Variants in LYSMD4 observed in about 807,000 individuals in gnomAD.
LYSMD4 encodes the protein lysM and putative peptidoglycan-binding domain-containing protein 4.
In LYSMD4, 9 loss-of-function variants were observed where a neutral mutation model predicts 6.1. That is an observed-to-expected ratio of 1.47 (90% CI 0.88 to 2.56). LYSMD4 has a LOEUF of 2.56. LYSMD4 is among the 30% of genes most tolerant of loss of function. The pLI, the probability that LYSMD4 is intolerant of heterozygous loss-of-function variation, is 0.00. For missense variants in LYSMD4, 384 were observed against 373.5 expected, an observed-to-expected ratio of 1.03 and a Z score of -0.23; for synonymous variants, 143 against 148.5, an observed-to-expected ratio of 0.96 and a Z score of 0.27.
chr15:99,726,550 G>A (rs868533949), downstream of LYSMD4, among the ~76,000 whole-genome samples: 2 of 151,956 alleles, frequency 1.3e-5, no homozygotes, highest in Non-Finnish European at 1.5e-5. Flanking sequence ...GGCCTTGACT[G>A]TCCTCCCAAC....
downstream of LYSMD4, among the ~76,000 whole-genome samples, chr15:99,722,962 C>T (rs1032141873): frequency 8.6e-5 from 13 of 151,784 alleles, no homozygotes; most frequent in African/African-American, 1.9e-4. Flanking sequence ...GCCTGGGAGG[C>T]GGAGGTTGCA....
chr15:99,731,849 G>A lies in LYSMD4; in HGVS notation c.151C>T (p.Arg51Trp), dbSNP rs754714120. The A allele has an allele frequency of 2.2e-5, 35 of 1,613,184 alleles. 1 individual carries two copies. In the East Asian group the frequency reaches 7.4e-4, roughly 34 times the overall value. ...CCGCTCTTGTGGCGCTCCTTGCCCC[G>A]GGGCCGCAAAACCACACGGTGAGAC... ...EESHRVVLRP[R>W]GKERHKSGVH... The change falls in exon 2 of 3, where the codon CGG becomes TGG. Residue 51 changes from arginine to tryptophan, a missense_variant. By Grantham distance (101) the Arg-to-Trp change is moderately radical. Coordinates refer to ENST00000684762, the MANE Select transcript of LYSMD4 (RefSeq NM_001284417.2).
At chr15:99,730,661 A>ATGTC (rs2059383260) in intron 2 of LYSMD4, among the ~76,000 whole-genome samples, 1 of 152,264 alleles carries the variant, frequency 6.6e-6, no homozygotes, top group Non-Finnish European at 1.5e-5. Flanking sequence ...TCCTGAATCT[A>ATGTC]ATGCATGAGA....
upstream of LYSMD4, among the ~76,000 whole-genome samples, chr15:99,719,126 C>A (rs1168537013): frequency 6.6e-6 from 1 of 151,664 alleles, no homozygotes; most frequent in East Asian, 1.9e-4. Flanking sequence ...GTGTAGGGAA[C>A]ACACATTGAC....
upstream of LYSMD4, among the ~76,000 whole-genome samples, chr15:99,719,928 G>A (rs145802459): frequency 2.1e-3 from 324 of 152,252 alleles, 2 homozygotes; most frequent in African/African-American, 7.5e-3. Flanking sequence ...TTATGAGTGA[G>A]ATTGAGCATT....
chr15:99,731,352 G>A (rs747797437), intron 2 of LYSMD4: 1 of 1,611,796 alleles, frequency 6.2e-7, no homozygotes, highest in East Asian at 2.2e-5. Flanking sequence ...AGAAAAGCAA[G>A]CATACCATAG....
At chr15:99,722,697 A>G (rs1320006447), downstream of LYSMD4, among the ~76,000 whole-genome samples, 1 of 152,226 alleles carries the variant, frequency 6.6e-6, no homozygotes, top group African/African-American at 2.4e-5. Flanking sequence ...AAGATATTTA[A>G]AAGACTCCAA....
chr15:99,718,888 A>G (rs1402050441), upstream of LYSMD4, among the ~76,000 whole-genome samples: 1 of 149,526 alleles, frequency 6.7e-6, no homozygotes. Context: ...AGACACAACA[A>G]GGAAATACAT....
chr15:99,729,845 A>C, intron 2 of LYSMD4, 114 bp from the exon 3 acceptor site: 4 of 1,306,366 alleles, frequency 3.1e-6, no homozygotes, highest in Non-Finnish European at 3.1e-6. Context: ...TTCACTGACG[A>C]ATCTGATGAA....
chr15:99,729,269 G>A lies in LYSMD4; in HGVS notation c.745C>T (p.Pro249Ser), dbSNP rs774152631. 7.4e-6 allele frequency: 12 copies of A among 1,614,020 alleles called. No homozygotes were observed. The highest frequency in any genetic ancestry group is 3.3e-5 in the South Asian group (3 of 91,086). ...YFKIQASGET[P>S]NSLNTTVIPN... ...ATGACAGTTGTGTTCAAGCTATTAG[G>A]GGTCTCACCACTAGCTTGTATTTTA... Residue 249 changes from proline to serine, a missense_variant, in exon 3 of 3, where the codon CCT (proline) becomes TCT (serine). By Grantham distance (74) the Pro-to-Ser change is moderately conservative. Transcript: ENST00000684762.
rs1053170840 is a variant in LYSMD4 at position 99,729,744 on chromosome 15, G to A, written c.283-13C>T. ...TGATATCTGCAACCTAGGAAGGCAC[G>A]AAGATAAACATCATAAAATATGCGG... On this transcript the variant is annotated splice_polypyrimidine_tract_variant and intron_variant, in intron 2 of 2. Coordinates refer to ENST00000684762, the MANE Select transcript of LYSMD4 (RefSeq NM_001284417.2). The A allele has an allele frequency of 2.5e-6, 4 of 1,589,608 alleles. No individual in the cohort carries two copies. Among genetic ancestry groups the A allele is most frequent in the African/African-American group, 1.4e-5 (1 of 74,018 alleles).
At chr15:99,731,594 G>C in intron 2 of LYSMD4, 124 bp downstream of exon 2, 2 of 1,523,678 alleles carry the variant, frequency 1.3e-6, no homozygotes. Context: ...GTCCTTGGCT[G>C]CTACAGCAGG....
At chr15:99,733,185 G>A (rs1260780187) in intron 1 of LYSMD4, 160 bp downstream of exon 1, 1 of 373,474 alleles carries the variant, frequency 2.7e-6, no homozygotes, top group African/African-American at 2.1e-5. Context: ...GCCAGCCCAC[G>A]ACAGTCGCGG....
At chr15:99,726,848 A>G (rs2059287455), downstream of LYSMD4, among the ~76,000 whole-genome samples, 1 of 152,162 alleles carries the variant, frequency 6.6e-6, no homozygotes, top group South Asian at 2.1e-4. Context: ...TTTCTTATAT[A>G]CACCTAATAA....
chr15:99,720,940 A>G (rs2059232949), upstream of LYSMD4: 1 of 152,156 alleles, frequency 6.6e-6, no homozygotes, highest in Non-Finnish European at 1.5e-5. Context: ...TGGCAGCATC[A>G]ATTTCTCCCT....
In LYSMD4 at chr15:99,729,422, G is replaced by A; in HGVS notation, c.592C>T (p.Gln198Ter). Residue 198 changes from glutamine to a stop codon, truncating the protein, a stop_gained, in exon 3 of 3, where the codon CAG (glutamine) becomes TAG (stop). Transcript: ENST00000684762. LOFTEE classifies it low-confidence loss of function (END_TRUNC). ...TTCGGAGGTGCCGGGAGCAGTGGCT[G>A]ATGGGAGGTGTCCATGCAGTAACTT... ...HESYCMDTSH[Q>*]PLLPAPPKTP... The A allele has an allele frequency of 6.2e-7, 1 of 1,614,218 alleles. No individual in the cohort carries two copies. The highest frequency in any genetic ancestry group is 8.5e-7 in the Non-Finnish European group (1 of 1,180,050).
At chr15:99,726,992 A>T (rs6598262), downstream of LYSMD4, among the ~76,000 whole-genome samples, 29 of 152,256 alleles carry the variant, frequency 1.9e-4, no homozygotes, top group Middle Eastern at 3.4e-3. Context: ...AGGTGCAGGG[A>T]ACAGGCACAG....
At chr15:99,718,373 A>T (rs2059209258), upstream of LYSMD4, among the ~76,000 whole-genome samples, 1 of 152,104 alleles carries the variant, frequency 6.6e-6, no homozygotes, top group African/African-American at 2.4e-5. Context: ...GGGTTTCTTC[A>T]ATGTAAAAAG....
At position 99,731,950 on chromosome 15, in the gene LYSMD4, A is replaced by C; in HGVS notation, c.50T>G (p.Val17Gly). 1 of 1,609,942 alleles carries C rather than the reference A, an allele frequency of 6.2e-7. No individual in the cohort carries two copies. The highest frequency in any genetic ancestry group is 8.5e-7 in the Non-Finnish European group (1 of 1,178,226). The change falls in exon 2 of 3, where the codon GTG becomes GGG. Residue 17 changes from valine to glycine, a missense_variant. Val to Gly is a moderately radical substitution (Grantham distance 109). Transcript: ENST00000684762. ...LTKTFQGPAV[V>G]CGTPTSHVYM... ...TACGTGGCTGGTCGGAGTCCCACACACAACAGCTGGGCCTTGGAAGGTCTT... is the reference window on the plus strand; with the variant it reads ...TACGTGGCTGGTCGGAGTCCCACACCCAACAGCTGGGCCTTGGAAGGTCTT...
Sources: gnomAD v4.1 joint callset for allele counts (sites outside exome capture counted in the v4.1 genomes callset) on GRCh38, gnomAD v4.1.1 for gene constraint, MANE v1.5 for transcripts, NCBI Gene and HGNC (gene_info 2026-07-23, HGNC 2026-07-21) for gene names.